Variants in NAALADL2 observed in about 807,000 individuals in gnomAD.
NAALADL2 encodes the protein inactive N-acetylated-alpha-linked acidic dipeptidase-like protein 2.
NAALADL2 carries 76 observed loss-of-function variants against 87.2 expected under a neutral mutation model. That is an observed-to-expected ratio of 0.87 (90% confidence interval 0.72 to 1.05). The LOEUF is 1.05. NAALADL2 is among the 50% of genes least tolerant of loss of function. NAALADL2 has a pLI of 0.00. For missense variants in NAALADL2, 1,089 were observed against 945.8 expected (o/e 1.15, Z -1.99); for synonymous variants, 354 against 331.0 (o/e 1.07, Z -0.75).
At chr3:175,109,509 G>C (rs1419126472) in intron 2 of NAALADL2, among the ~76,000 whole-genome samples, 1 of 151,418 alleles carries the variant, frequency 6.6e-6, no homozygotes, top group African/African-American at 2.4e-5. Flanking sequence ...AAAATATAAT[G>C]ACACAAAATC....
At chr3:175,221,191 T>A (rs561655045) in intron 2 of NAALADL2, among the ~76,000 whole-genome samples, 4 of 110,388 alleles carry the variant, frequency 3.6e-5, no homozygotes, top group African/African-American at 1.4e-4. Flanking sequence ...AGAGCAAGAC[T>A]CCGTTTTAAA....
intron 5 of NAALADL2, among the ~76,000 whole-genome samples, chr3:175,372,950 C>T (rs1454554697): frequency 6.6e-6 from 1 of 152,150 alleles, no homozygotes; most frequent in Non-Finnish European, 1.5e-5. Flanking sequence ...AAGAACAGGA[C>T]ATAGTATTAC....
chr3:175,324,044 GAAAA>G (rs1399594788), intron 4 of NAALADL2, 127 bp from the exon 5 acceptor site: 10 of 470,204 alleles, frequency 2.1e-5, no homozygotes, highest in Admixed American at 8.5e-5. Context: ...AAAAAAAAAA[GAAAA>G]AGAAAAAGAA....
In NAALADL2 at chr3:175,146,512, G is replaced by A. The variant is rs567897517; in HGVS notation, c.545+49221G>A. On this transcript the variant is annotated intron_variant, in intron 2 of 13. Transcript: ENST00000454872. ...ATTGTAGAGAATGCATTAAAAAATT[G>A]TAGATAAATCAGAGATGAAATGAAA... 2.6e-5 allele frequency among the ~76,000 whole-genome samples: 4 copies of A among 152,250 alleles called. No individual in the cohort carries two copies. In the South Asian group the frequency reaches 6.2e-4, roughly 24 times the overall value.
chr3:175,351,264 C>A lies in NAALADL2; in HGVS notation c.1090+26939C>A, dbSNP rs2148875830. Among the ~76,000 whole-genome samples, 6 of 151,924 alleles carry A rather than the reference C, an allele frequency of 3.9e-5. No individual in the cohort carries two copies. The South Asian group carries it at 1.2e-3, about 32-fold the overall frequency. ...TTTAAAAAAATAGCTGTGCATTTCTCAATAAAATAAATACTCATGATCAAG... is the reference window on the plus strand; with the variant it reads ...TTTAAAAAAATAGCTGTGCATTTCTAAATAAAATAAATACTCATGATCAAG... On this transcript the variant is annotated intron_variant, in intron 5 of 13. Coordinates refer to ENST00000454872, the MANE Select transcript of NAALADL2 (RefSeq NM_207015.3).
intron 1 of NAALADL2, among the ~76,000 whole-genome samples, chr3:174,918,496 C>A (rs1443707031): frequency 1.3e-5 from 2 of 152,114 alleles, no homozygotes; most frequent in Non-Finnish European, 1.5e-5. Flanking sequence ...CAGCTAAGCT[C>A]ACTTGTGCAT....
chr3:174,576,403 T>G (rs1715535301), intron 2 of NAALADL2, among the ~76,000 whole-genome samples: 1 of 152,218 alleles, frequency 6.6e-6, no homozygotes, highest in Admixed American at 6.5e-5. Flanking sequence ...ATATATTTCC[T>G]TCACATTTGT....
chr3:175,609,181 T>G (rs1724224861), intron 10 of NAALADL2, among the ~76,000 whole-genome samples: 1 of 152,076 alleles, frequency 6.6e-6, no homozygotes, highest in Admixed American at 6.6e-5. Flanking sequence ...GAACACTGAT[T>G]TTGGCCTCAT....
At chr3:174,847,804 GA>G (rs59583247) in intron 3 of NAALADL2, among the ~76,000 whole-genome samples, 16,699 of 138,736 alleles carry the variant, frequency 0.12, 1,022 homozygotes, top group Middle Eastern at 0.17. Context: ...GTATGTATTT[GA>G]AAAAAAAAAA....
chr3:174,487,794 G>T, intron 1 of NAALADL2, among the ~76,000 whole-genome samples: 2 of 151,702 alleles, frequency 1.3e-5, no homozygotes, highest in East Asian at 1.9e-4. Flanking sequence ...TTGTGGAGGT[G>T]CTGGAATGCA....
rs546957779 is a variant in NAALADL2, at chr3:175,221,542, TG to T, written c.546-12387del. On this transcript the variant is annotated intron_variant, in intron 2 of 13. Transcript: ENST00000454872. ...TTATTCTATTATGTACAGAGGAGTT[TG>T]GTAAAATTTCTAACTTTGATTGCTG... Among the ~76,000 whole-genome samples the T allele has an allele frequency of 2.5e-3, 387 of 152,238 alleles. 2 individuals carry two copies. Among genetic ancestry groups the T allele is most frequent in the Non-Finnish European group, 4.4e-3 (300 of 68,012 alleles).
At chr3:174,810,816 A>G (rs1389798306) in intron 3 of NAALADL2, among the ~76,000 whole-genome samples, 1 of 152,132 alleles carries the variant, frequency 6.6e-6, no homozygotes, top group Non-Finnish European at 1.5e-5. Flanking sequence ...CCTCGAAGGT[A>G]TTTCACAGAA....
intron 4 of NAALADL2, among the ~76,000 whole-genome samples, chr3:175,310,937 A>AG (rs1324363325): frequency 6.6e-6 from 1 of 152,114 alleles, no homozygotes; most frequent in African/African-American, 2.4e-5. Flanking sequence ...ACAGATGAAA[A>AG]AAAAAAGTGC....
At chr3:175,749,157 G>A (rs1356886575) in intron 12 of NAALADL2, among the ~76,000 whole-genome samples, 2 of 109,552 alleles carry the variant, frequency 1.8e-5, no homozygotes, top group Non-Finnish European at 3.7e-5. Flanking sequence ...GAAGGGAGGG[G>A]AGGGGAAGGG....
intron 1 of NAALADL2, among the ~76,000 whole-genome samples, chr3:175,075,659 T>A (rs545666092): frequency 5.3e-5 from 8 of 152,202 alleles, no homozygotes; most frequent in African/African-American, 1.9e-4. Flanking sequence ...CAAACAAGAC[T>A]CCTCATTCTT....
chr3:175,237,458 G>A (rs1581056677), intron 3 of NAALADL2, among the ~76,000 whole-genome samples: 1 of 151,956 alleles, frequency 6.6e-6, no homozygotes, highest in Non-Finnish European at 1.5e-5. Context: ...ATGTGAATTC[G>A]CAGGATACCG....
At chr3:175,037,929 GA>G in intron 1 of NAALADL2, among the ~76,000 whole-genome samples, 1 of 152,204 alleles carries the variant, frequency 6.6e-6, no homozygotes. Context: ...GCCTGGAAGG[GA>G]AAACCAAAGG....
chr3:175,421,965 T>C (rs550793341), intron 5 of NAALADL2, among the ~76,000 whole-genome samples: 16 of 152,086 alleles, frequency 1.1e-4, no homozygotes, highest in Non-Finnish European at 1.9e-4. Context: ...GATTGAAGAA[T>C]AGCAAAATAT....
At chr3:175,254,925 T>A (rs528259132) in intron 3 of NAALADL2, among the ~76,000 whole-genome samples, 1 of 152,308 alleles carries the variant, frequency 6.6e-6, no homozygotes, top group South Asian at 2.1e-4. Flanking sequence ...ACAGCTTAAC[T>A]TTTTAGAGAT....
Sources: allele counts gnomAD v4.1 joint callset (sites outside exome capture counted in the v4.1 genomes callset), GRCh38; gene constraint gnomAD v4.1.1; transcripts MANE v1.5; gene names NCBI Gene and HGNC (gene_info 2026-07-23, HGNC 2026-07-21).